The following RIMS1 variants were observed in gnomAD, a reference collection of about 807,000 sequenced individuals.
RIMS1 encodes the protein regulating synaptic membrane exocytosis protein 1.
Under a neutral mutation model 214.1 loss-of-function variants are expected in RIMS1, and 83 were observed. That is an observed-to-expected ratio of 0.39 (90% confidence interval 0.32 to 0.47). The LOEUF (loss-of-function observed/expected upper bound fraction) is 0.47, where lower values mean the gene tolerates loss of function less well. Ranked by LOEUF, RIMS1 falls within the 20% of genes least tolerant of loss-of-function variation. The pLI, the probability that RIMS1 is intolerant of heterozygous loss-of-function variation, is 0.99. For missense variants in RIMS1, 2,050 were observed against 2,161.8 expected (o/e 0.95, Z 1.03); for synonymous variants, 793 against 786.8 (o/e 1.01, Z -0.13).
chr6:72,009,786 A>G (rs1436500171), intron 2 of RIMS1, among the ~76,000 whole-genome samples: 2 of 152,212 alleles, frequency 1.3e-5, no homozygotes, highest in Non-Finnish European at 2.9e-5. Flanking sequence ...GAAGAAGTTG[A>G]ATCTCTGAAT....
intron 6 of RIMS1, among the ~76,000 whole-genome samples, chr6:72,217,738 C>G (rs1247997846): frequency 6.6e-6 from 1 of 152,150 alleles, no homozygotes; most frequent in Non-Finnish European, 1.5e-5. Flanking sequence ...TTATAGAACA[C>G]ATTCGTGGAA....
chr6:72,338,849 AAGAGAG>A (rs59731805), intron 29 of RIMS1, among the ~76,000 whole-genome samples: 14,933 of 138,680 alleles, frequency 0.11, 780 homozygotes, highest in Admixed American at 0.16. Flanking sequence ...CCAACTTGTG[AAGAGAG>A]AGAGAGAGAG....
At chr6:72,286,355 T>C (rs2092309947) in intron 24 of RIMS1, among the ~76,000 whole-genome samples, 1 of 152,218 alleles carries the variant, frequency 6.6e-6, no homozygotes. Context: ...ATTAATGATA[T>C]TGAGGCATCT....
intron 11 of RIMS1, among the ~76,000 whole-genome samples, chr6:72,247,153 C>T (rs1295056212): frequency 6.6e-6 from 1 of 152,116 alleles, no homozygotes; most frequent in African/African-American, 2.4e-5. Context: ...ATACTTGGAA[C>T]AGTGAAGAAC....
intron 22 of RIMS1, among the ~76,000 whole-genome samples, chr6:72,273,121 T>C (rs182978724): frequency 6.6e-6 from 1 of 152,250 alleles, no homozygotes; most frequent in East Asian, 1.9e-4. Flanking sequence ...CTATTTAAGA[T>C]AGATTAAACA....
At chr6:72,093,914 C>G (rs1333009349) in intron 2 of RIMS1, among the ~76,000 whole-genome samples, 1 of 152,124 alleles carries the variant, frequency 6.6e-6, no homozygotes, top group Non-Finnish European at 1.5e-5. Context: ...GTACATGTTT[C>G]TTGGCATCTG....
At chr6:72,303,973 T>G (rs2094897738) in intron 26 of RIMS1, among the ~76,000 whole-genome samples, 1 of 151,630 alleles carries the variant, frequency 6.6e-6, no homozygotes, top group Non-Finnish European at 1.5e-5. Context: ...GTAAATATCT[T>G]TATCTTTCGA....
intron 2 of RIMS1, among the ~76,000 whole-genome samples, chr6:71,975,193 A>C (rs1384392): frequency 2.0e-5 from 3 of 152,220 alleles, no homozygotes; most frequent in African/African-American, 7.2e-5. Flanking sequence ...AAAATAAACA[A>C]TCTATAGTGG....
chr6:71,890,028 G>A (rs1183540545), intron 1 of RIMS1, among the ~76,000 whole-genome samples: 1 of 152,108 alleles, frequency 6.6e-6, no homozygotes, highest in Non-Finnish European at 1.5e-5. Context: ...ATAAAAATAG[G>A]CGCAGAGAGA....
chr6:72,327,681 T>A (rs184333478), intron 28 of RIMS1, among the ~76,000 whole-genome samples: 1 of 151,946 alleles, frequency 6.6e-6, no homozygotes, highest in Admixed American at 6.6e-5. Context: ...CCTTTGTTAT[T>A]GTCTATTTTT....
chr6:72,247,996 CTT>C lies in RIMS1; in HGVS notation c.2129-12_2129-11del. ...TTCCTACACTTACAAATATTACTTA[CTT>C]TTTTTTCTCATTTTAGGTTCAAGTT... On this transcript the variant is annotated splice_polypyrimidine_tract_variant and intron_variant, in intron 11 of 33. Transcript: ENST00000521978. 1 of 1,496,676 alleles carries C rather than the reference CTT, an allele frequency of 6.7e-7. No homozygotes were observed. Among genetic ancestry groups the C allele is most frequent in the Non-Finnish European group, 9.3e-7 (1 of 1,074,174 alleles). The allele number at this position is 1,496,676 out of a possible 1,614,324, so 92.7% of individuals were successfully genotyped here.
chr6:71,976,575 A>G (rs182114018), intron 2 of RIMS1, among the ~76,000 whole-genome samples: 19 of 152,202 alleles, frequency 1.2e-4, no homozygotes, highest in Middle Eastern at 3.4e-3. Context: ...GTACTTTTGA[A>G]GCACAAGTTT....
chr6:72,224,967 A>C (rs932910061), intron 6 of RIMS1, among the ~76,000 whole-genome samples: 3 of 152,226 alleles, frequency 2.0e-5, no homozygotes, highest in African/African-American at 7.2e-5. Context: ...CGAAGGCATA[A>C]AATAAAATGT....
chr6:72,252,380 G>A (rs1563096675), intron 15 of RIMS1, among the ~76,000 whole-genome samples: 2 of 152,078 alleles, frequency 1.3e-5, no homozygotes, highest in Non-Finnish European at 2.9e-5. Context: ...GCCAAGAAAT[G>A]TCTCTGAACC....
At chr6:72,069,580 G>A (rs1830110313) in intron 2 of RIMS1, among the ~76,000 whole-genome samples, 1 of 152,206 alleles carries the variant, frequency 6.6e-6, no homozygotes, top group Non-Finnish European at 1.5e-5. Flanking sequence ...TGAAGTCAAT[G>A]CTTTGTTTCC....
chr6:72,255,776 G>A (rs1012901853), intron 16 of RIMS1, among the ~76,000 whole-genome samples: 1 of 152,046 alleles, frequency 6.6e-6, no homozygotes. Flanking sequence ...GGTGGCTCAC[G>A]CCTGTAATCC....
intron 2 of RIMS1, among the ~76,000 whole-genome samples, chr6:71,983,593 G>T (rs998068180): frequency 1.3e-5 from 2 of 152,126 alleles, no homozygotes; most frequent in African/African-American, 4.8e-5. Context: ...GTCATCAGAT[G>T]TGGTTACCAG....
At chr6:72,248,678 T>C (rs750538751) in intron 12 of RIMS1, among the ~76,000 whole-genome samples, 1 of 152,162 alleles carries the variant, frequency 6.6e-6, no homozygotes, top group South Asian at 2.1e-4. Context: ...TATTTGTAGA[T>C]TATGATGGAA....
chr6:72,260,624 A>C, intron 18 of RIMS1, 81 bp from the exon 19 acceptor site: 1 of 1,562,096 alleles, frequency 6.4e-7, no homozygotes, highest in Non-Finnish European at 8.7e-7. Context: ...TTCCCTTTTC[A>C]TGTTTTCATT....
Sources: allele counts gnomAD v4.1 joint callset (sites outside exome capture counted in the v4.1 genomes callset), GRCh38; gene constraint gnomAD v4.1.1; transcripts MANE v1.5; gene names NCBI Gene and HGNC (gene_info 2026-07-23, HGNC 2026-07-21).